Variants in SLC38A2 observed in about 807,000 individuals in gnomAD.
SLC38A2 encodes the protein solute carrier family 38 member 2.
A neutral mutation model predicts 61.5 loss-of-function variants in SLC38A2; 11 were observed. That is an observed-to-expected ratio of 0.18 (90% CI 0.11 to 0.30). SLC38A2 has a LOEUF of 0.30. Among genes scored for constraint, SLC38A2 ranks in the 10% least tolerant of loss-of-function variants. SLC38A2 has a pLI of 1.00. For missense variants in SLC38A2, 522 were observed against 600.4 expected, an observed-to-expected ratio of 0.87 and a Z score of 1.36; for synonymous variants, 217 against 212.5, an observed-to-expected ratio of 1.02 and a Z score of -0.18.
At chr12:46,370,945 C>A in intron 2 of SLC38A2, 88 bp from the exon 3 acceptor site, 1 of 1,021,366 alleles carries the variant, frequency 9.8e-7, no homozygotes, top group Non-Finnish European at 1.5e-6. Flanking sequence ...AAATACCCTC[C>A]AACAGCATAG....
At chr12:46,368,299 C>T (rs902241323) in intron 4 of SLC38A2, among the ~76,000 whole-genome samples, 2 of 152,172 alleles carry the variant, frequency 1.3e-5, no homozygotes, top group Non-Finnish European at 2.9e-5. Flanking sequence ...CACAGTTAAA[C>T]AATGTCTGTG....
chr12:46,364,580 T>C (rs774188264), intron 9 of SLC38A2, 24 bp from the exon 10 acceptor site: 7 of 1,600,978 alleles, frequency 4.4e-6, no homozygotes, highest in Non-Finnish European at 6.0e-6. Context: ...ATTTTGCATG[T>C]GTTAAACTAA....
intron 4 of SLC38A2, among the ~76,000 whole-genome samples, chr12:46,368,375 A>G: frequency 6.6e-6 from 1 of 152,126 alleles, no homozygotes; most frequent in Non-Finnish European, 1.5e-5. Context: ...TTTCACTTGG[A>G]TTGAGCAACA....
Position 46,370,639 on chromosome 12 carries a change from G to A in SLC38A2, c.199-12C>T. On this transcript the variant is annotated splice_polypyrimidine_tract_variant and intron_variant, in intron 3 of 15. Coordinates refer to ENST00000256689, the MANE Select transcript of SLC38A2 (RefSeq NM_018976.5). ...GTAGTACCTGGATGCTACATAGAGG[G>A]AAAACGATAACCAAACATATAACAA... is the stretch of plus-strand genomic sequence containing the variant. 6.3e-7 allele frequency: 1 copy of A among 1,598,308 alleles called. No individual in the cohort carries two copies.
chr12:46,371,281 C>T lies in SLC38A2; in HGVS notation c.13G>A (p.Glu5Lys), dbSNP rs939907883. The change falls in exon 2 of 16, where the codon GAA (glutamate) becomes AAA (lysine). Residue 5 changes from glutamate to lysine, a missense_variant. Physicochemically the swap from Glu to Lys is moderately conservative, Grantham distance 56. This residue lies in a region of SLC38A2 where 102 missense variants were observed against 83.1 expected (regional missense o/e 1.23). Transcript: ENST00000256689. ...GGGGAAATACTGAATCGTCCCATTT[C>T]GGCCTTCTTCATGCTAAGCACTGGG... is the stretch of plus-strand genomic sequence containing the variant. The part of the protein sequence containing the change: MKKA[E>K]MGRFSISPDE... 6.2e-7 allele frequency: 1 copy of T among 1,614,200 alleles called. No individual in the cohort carries two copies. The highest frequency in any genetic ancestry group is 1.3e-5 in the African/African-American group (1 of 75,060).
Position 46,359,036 on chromosome 12 carries a change from G to T in SLC38A2, c.*2075C>A, listed in dbSNP as rs1943052602. The T allele has an allele frequency of 6.8e-6, 1 of 147,310 alleles. No individual in the cohort carries two copies. The highest frequency in any genetic ancestry group is 1.5e-5 in the Non-Finnish European group (1 of 67,008). The allele number at this position is 147,310 out of a possible 1,614,324, so 9.1% of individuals were successfully genotyped here. A position where few individuals can be genotyped will look rare whatever the true frequency, so the allele number is the denominator to read the frequency against. ...CTTCCTCACATTAATTTGCTGTAGAGAAAAGAATTTTTTTTCCATTCCTTC... is the reference window on the plus strand; with the variant it reads ...CTTCCTCACATTAATTTGCTGTAGATAAAAGAATTTTTTTTCCATTCCTTC... On this transcript the variant is annotated 3_prime_UTR_variant, in exon 16 of 16. Coordinates refer to ENST00000256689, the MANE Select transcript of SLC38A2 (RefSeq NM_018976.5).
At chr12:46,364,887 C>T in intron 8 of SLC38A2, 185 bp from the exon 9 acceptor site, 1 of 670,894 alleles carries the variant, frequency 1.5e-6, no homozygotes, top group South Asian at 2.1e-5. Context: ...CTTGTCATAA[C>T]CCAAGCTAAT....
Position 46,361,064 on chromosome 12 carries a change from T to A in SLC38A2, c.*47A>T, listed in dbSNP as rs1943075653. The A allele has an allele frequency of 6.9e-7, 1 of 1,455,528 alleles. No homozygotes were observed. The highest frequency in any genetic ancestry group is 1.4e-5 in the African/African-American group (1 of 71,376). The allele number at this position is 1,455,528 out of a possible 1,614,324, so 90.2% of individuals were successfully genotyped here. A position where few individuals can be genotyped will look rare whatever the true frequency, so the allele number is the denominator to read the frequency against. On this transcript the variant is annotated 3_prime_UTR_variant, in exon 16 of 16. Transcript: ENST00000256689. Reference sequence around the variant, plus strand: ...GAAATTTCATAGTAGTTGAGTTTACTCAACACTGGCATCAGATGGACTGAG... The same window carrying A: ...GAAATTTCATAGTAGTTGAGTTTACACAACACTGGCATCAGATGGACTGAG...
Position 46,358,987 on chromosome 12 carries a change from T to C in SLC38A2, c.*2124A>G, listed in dbSNP as rs1249486011. ...TCCCTAGGCACTTGATTTTGAACCTTAAATAGCCAGAGGATTGGAGGAGCT... is the reference window on the plus strand; with the variant it reads ...TCCCTAGGCACTTGATTTTGAACCTCAAATAGCCAGAGGATTGGAGGAGCT... On this transcript the variant is annotated 3_prime_UTR_variant, in exon 16 of 16. Coordinates refer to ENST00000256689, the MANE Select transcript of SLC38A2 (RefSeq NM_018976.5). 1 of 152,254 alleles carries C rather than the reference T, an allele frequency of 6.6e-6. No individual in the cohort carries two copies. Among genetic ancestry groups the C allele is most frequent in the Admixed American group, 6.6e-5 (1 of 15,228 alleles). 9.4% of individuals were successfully genotyped at this position (152,254 alleles called of 1,614,324 possible). A position where few individuals can be genotyped will look rare whatever the true frequency, so the allele number is the denominator to read the frequency against.
Position 46,371,689 on chromosome 12 carries a change from T to C in SLC38A2, c.-86-310A>G, listed in dbSNP as rs912980384. ...GGCGAGGGGGGGTTCTGTTTTGCTT[T>C]TTCCCAGTCGCTCCAAACTTGCACA... is the stretch of plus-strand genomic sequence containing the variant. On this transcript the variant is annotated intron_variant, in intron 1 of 15. Coordinates refer to ENST00000256689, the MANE Select transcript of SLC38A2 (RefSeq NM_018976.5). The C allele has an allele frequency of 1.8e-5, 4 of 222,640 alleles. No individual in the cohort carries two copies. In the Admixed American group the frequency reaches 2.4e-4, roughly 13 times the overall value. The allele number at this position is 222,640 out of a possible 1,614,324, so 13.8% of individuals were successfully genotyped here.
intron 1 of SLC38A2, among the ~76,000 whole-genome samples, chr12:46,371,924 A>G (rs1943207435): frequency 6.6e-6 from 1 of 152,190 alleles, no homozygotes; most frequent in South Asian, 2.1e-4. Flanking sequence ...AGGGGGGCGA[A>G]CGCCCGGGCC....
At position 46,362,314 on chromosome 12, in the gene SLC38A2, TTTC is replaced by T; in HGVS notation, c.1389_1391del (p.Lys464del). On this transcript the variant is annotated inframe_deletion, in exon 15 of 16. Coordinates refer to ENST00000256689, the MANE Select transcript of SLC38A2 (RefSeq NM_018976.5). ...TCTTTTGTACAGATTTCATAGGTTC[TTTC>T]TTCACCAACTTGATATAGAAGGCAG... 1 of 1,612,182 alleles carries T rather than the reference TTTC, an allele frequency of 6.2e-7. No homozygotes were observed. Among genetic ancestry groups the T allele is most frequent in the Non-Finnish European group, 8.5e-7 (1 of 1,179,090 alleles).
rs973778042 is a variant in SLC38A2, at chr12:46,371,471, C to A, written c.-86-92G>T. The stretch of plus-strand genomic sequence containing the variant: ...GGAGGCGCAGCGCGGCTGATTCATC[C>A]CAGGCCAGGCGAGTGGAAAAGTACC... On this transcript the variant is annotated intron_variant, in intron 1 of 15. Transcript: ENST00000256689. 6 of 584,862 alleles carry A rather than the reference C, an allele frequency of 1.0e-5. No homozygotes were observed. In the African/African-American group the frequency reaches 1.2e-4, roughly 11 times the overall value. 36.2% of individuals were successfully genotyped at this position (584,862 alleles called of 1,614,324 possible).
intron 4 of SLC38A2, among the ~76,000 whole-genome samples, chr12:46,368,638 G>A (rs1368581952): frequency 6.6e-6 from 1 of 152,176 alleles, no homozygotes; most frequent in Non-Finnish European, 1.5e-5. Context: ...TACCATGTAA[G>A]GTGCTGACAA....
intron 3 of SLC38A2, 74 bp downstream of exon 3, chr12:46,370,702 T>C: frequency 6.5e-7 from 1 of 1,543,836 alleles, no homozygotes; most frequent in Middle Eastern, 1.7e-4. Context: ...GCAAGTTAGA[T>C]TTGAATTCTA....
chr12:46,370,583 G>A lies in SLC38A2; in HGVS notation c.243C>T (p.Ser81=), dbSNP rs1943185201. Residue 81 remains serine (S), a synonymous_variant, in exon 4 of 16, where the codon AGC becomes AGT. Coordinates refer to ENST00000256689, the MANE Select transcript of SLC38A2 (RefSeq NM_018976.5). ...TSFGMSVFNL[S]NAIVGSGILG... The stretch of plus-strand genomic sequence containing the variant: ...GGATTCCACTGCCCACAATCGCATT[G>A]CTCAGATTAAATACTGACATTCCAA... 2 of 1,613,988 alleles carry A rather than the reference G, an allele frequency of 1.2e-6. No homozygotes were observed.
intron 4 of SLC38A2, among the ~76,000 whole-genome samples, chr12:46,370,017 T>G (rs1248803293): frequency 6.6e-6 from 1 of 152,216 alleles, no homozygotes; most frequent in Non-Finnish European, 1.5e-5. Context: ...CTCCTCGTCT[T>G]AAAACAAACA....
chr12:46,370,751 A>T (rs1482107465), intron 3 of SLC38A2, 25 bp downstream of exon 3: 2 of 1,584,786 alleles, frequency 1.3e-6, no homozygotes, highest in Non-Finnish European at 1.7e-6. Flanking sequence ...AGCCACTGAC[A>T]GACAAATTAC....
At position 46,358,742 on chromosome 12, in the gene SLC38A2, G is replaced by A. The variant is rs1225051149; in HGVS notation, c.*2369C>T. 1 of 152,550 alleles carries A rather than the reference G, an allele frequency of 6.6e-6. No individual in the cohort carries two copies. Among genetic ancestry groups the A allele is most frequent in the South Asian group, 2.1e-4 (1 of 4,824 alleles). The allele number at this position is 152,550 out of a possible 1,614,324, so 9.4% of individuals were successfully genotyped here. A position where few individuals can be genotyped will look rare whatever the true frequency, so the allele number is the denominator to read the frequency against. ...TATGGACAGACAATATATGTACATA[G>A]ATTATCATAAATATTGAAAAATAGG... On this transcript the variant is annotated 3_prime_UTR_variant, in exon 16 of 16. Coordinates refer to ENST00000256689, the MANE Select transcript of SLC38A2 (RefSeq NM_018976.5).
Sources: gnomAD v4.1 joint callset for allele counts (sites outside exome capture counted in the v4.1 genomes callset) on GRCh38, gnomAD v4.1.1 for gene constraint, gnomAD v4.1.1 regional missense constraint, MANE v1.5 for transcripts, NCBI Gene and HGNC (gene_info 2026-07-23, HGNC 2026-07-21) for gene names.